CTNNA3: variants seen among roughly 807,000 people sequenced by gnomAD.
CTNNA3 encodes catenin alpha-3.
Under a neutral mutation model 95.7 loss-of-function variants are expected in CTNNA3, and 76 were observed. That is an observed-to-expected ratio of 0.79 (90% CI 0.66 to 0.96). The LOEUF (loss-of-function observed/expected upper bound fraction) is 0.96. Among genes scored for constraint, CTNNA3 ranks in the 40% least tolerant of loss-of-function variants. The pLI, the probability that CTNNA3 is intolerant of heterozygous loss-of-function variation, is 0.00. For missense variants in CTNNA3, 1,191 were observed against 1,089.8 expected (o/e 1.09, Z -1.31); for synonymous variants, 431 against 374.4 (o/e 1.15, Z -1.74).
At chr10:67,352,354 A>C (rs1223807605) in intron 5 of CTNNA3, among the ~76,000 whole-genome samples, 9 of 151,982 alleles carry the variant, frequency 5.9e-5, no homozygotes, top group Non-Finnish European at 1.0e-4. Flanking sequence ...GAAAACACTG[A>C]GCAAGGCATA....
At chr10:67,386,420 C>T (rs1237632280) in intron 5 of CTNNA3, among the ~76,000 whole-genome samples, 1 of 152,134 alleles carries the variant, frequency 6.6e-6, no homozygotes, top group South Asian at 2.1e-4. Flanking sequence ...CTCCTTCTGC[C>T]CCTCTAACAT....
chr10:67,519,369 T>G (rs1376350904), intron 5 of CTNNA3, among the ~76,000 whole-genome samples: 1 of 152,178 alleles, frequency 6.6e-6, no homozygotes, highest in Non-Finnish European at 1.5e-5. Flanking sequence ...ATTTTCTGTT[T>G]GTTTTAAAAA....
chr10:67,018,141 CA>C lies in CTNNA3; in HGVS notation c.1047+162175del, dbSNP rs1852776859. On this transcript the variant is annotated intron_variant, in intron 7 of 17. Coordinates refer to ENST00000433211, the MANE Select transcript of CTNNA3 (RefSeq NM_013266.4). Reference sequence around the variant, plus strand: ...TGTTAATTCACTTTTCAAGTGTTTACAGTAGGGCCAAGACTTTGTATTTTGG... The same window carrying C: ...TGTTAATTCACTTTTCAAGTGTTTACGTAGGGCCAAGACTTTGTATTTTGG... Among the ~76,000 whole-genome samples the C allele has an allele frequency of 2.6e-5, 4 of 152,224 alleles. No individual in the cohort carries two copies. The South Asian group carries it at 8.3e-4, about 32-fold the overall frequency.
chr10:67,701,579 A>T (rs571800294), intron 1 of CTNNA3, among the ~76,000 whole-genome samples: 1 of 152,340 alleles, frequency 6.6e-6, no homozygotes, highest in Admixed American at 6.5e-5. Flanking sequence ...AAATGCTGAG[A>T]GATTTTGTCA....
At chr10:67,599,173 G>T (rs998414945) in intron 3 of CTNNA3, among the ~76,000 whole-genome samples, 1 of 152,108 alleles carries the variant, frequency 6.6e-6, no homozygotes, top group Non-Finnish European at 1.5e-5. Flanking sequence ...TGTTAAAAAG[G>T]CTACACAAAC....
chr10:67,624,490 G>A lies in CTNNA3; in HGVS notation c.100-17441C>T, dbSNP rs72472093. 0.034 allele frequency among the ~76,000 whole-genome samples: 5,192 copies of A among 152,184 alleles called. 619 individuals are homozygous for A. In the East Asian group the frequency reaches 0.44, roughly 13 times the overall value. ...AAAGGGTATATAAGCTTCTGTACCC[G>A]TTGGGTTATGAGGTAATCATTCTCC... is the stretch of plus-strand genomic sequence containing the variant. On this transcript the variant is annotated intron_variant, in intron 2 of 17. Coordinates refer to ENST00000433211, the MANE Select transcript of CTNNA3 (RefSeq NM_013266.4).
At chr10:66,555,628 T>A (rs1842366824) in intron 10 of CTNNA3, among the ~76,000 whole-genome samples, 1 of 152,146 alleles carries the variant, frequency 6.6e-6, no homozygotes, top group African/African-American at 2.4e-5. Context: ...ATTTTGATGC[T>A]TTTAAGGTGA....
intron 1 of CTNNA3, chr10:67,750,285 T>A: frequency 3.3e-6 from 5 of 1,519,970 alleles, no homozygotes; most frequent in Non-Finnish European, 4.6e-6. Flanking sequence ...GCACCAACCA[T>A]GGCCATCTTT....
intron 9 of CTNNA3, among the ~76,000 whole-genome samples, chr10:66,668,595 T>G (rs1846545776): frequency 6.6e-6 from 1 of 152,002 alleles, no homozygotes; most frequent in African/African-American, 2.4e-5. Context: ...GGCGGATCAC[T>G]TGAGGCCAGA....
intron 5 of CTNNA3, among the ~76,000 whole-genome samples, chr10:67,299,937 C>T (rs1411177430): frequency 1.3e-5 from 2 of 152,174 alleles, no homozygotes; most frequent in Non-Finnish European, 2.9e-5. Flanking sequence ...TGGAAGGCTG[C>T]ACATGTATTT....
intron 7 of CTNNA3, among the ~76,000 whole-genome samples, chr10:67,137,037 C>T (rs1860336670): frequency 6.6e-6 from 1 of 152,086 alleles, no homozygotes; most frequent in Non-Finnish European, 1.5e-5. Flanking sequence ...CGTACTTGCT[C>T]CTCTGGGTAG....
intron 9 of CTNNA3, among the ~76,000 whole-genome samples, chr10:66,677,125 C>T (rs1448917120): frequency 6.6e-6 from 1 of 152,056 alleles, no homozygotes; most frequent in Non-Finnish European, 1.5e-5. Context: ...CATTGGTTTC[C>T]TGTTTGTAAA....
chr10:66,054,250 G>A (rs1010854754), intron 15 of CTNNA3, among the ~76,000 whole-genome samples: 1 of 152,146 alleles, frequency 6.6e-6, no homozygotes, highest in African/African-American at 2.4e-5. Context: ...ATCCAGCAGT[G>A]GGATTGATGG....
Position 66,323,143 on chromosome 10 carries a change from T to G in CTNNA3, c.1733-42522A>C, listed in dbSNP as rs1433833822. On this transcript the variant is annotated intron_variant, in intron 12 of 17. Transcript: ENST00000433211. ...CATTACGGGGTCCCTTTTAAAAAAT[T>G]TATTTTTAATGATACAGGAGGTAAA... Among the ~76,000 whole-genome samples, 6 of 152,026 alleles carry G rather than the reference T, an allele frequency of 3.9e-5. No homozygotes were observed. In the East Asian group the frequency reaches 1.2e-3, roughly 30 times the overall value.
intron 7 of CTNNA3, among the ~76,000 whole-genome samples, chr10:66,857,199 A>T (rs1843715957): frequency 6.6e-6 from 1 of 152,078 alleles, no homozygotes; most frequent in Admixed American, 6.6e-5. Context: ...TTTGTCAAAG[A>T]TCAAATGGTT....
chr10:66,140,416 C>T (rs1464200344), intron 13 of CTNNA3, among the ~76,000 whole-genome samples: 8 of 152,070 alleles, frequency 5.3e-5, no homozygotes, highest in Non-Finnish European at 8.8e-5. Flanking sequence ...AAACAATCCA[C>T]GAGCAAAGTA....
chr10:67,254,140 A>G (rs866377173), intron 5 of CTNNA3, among the ~76,000 whole-genome samples: 1 of 152,146 alleles, frequency 6.6e-6, no homozygotes, highest in African/African-American at 2.4e-5. Flanking sequence ...TACCTTTCAT[A>G]TGGAAAATAC....
Position 65,948,295 on chromosome 10 carries a change from A to AG in CTNNA3, c.2400+18316_2400+18317insC, listed in dbSNP as rs1554819632. On this transcript the variant is annotated intron_variant, in intron 17 of 17. Coordinates refer to ENST00000433211, the MANE Select transcript of CTNNA3 (RefSeq NM_013266.4). ...GACTCCATCTCAAAAAAAAAAAAAAAAAAAGAAAGAAAGAAATACCACGTA... is the reference window on the plus strand; with the variant it reads ...GACTCCATCTCAAAAAAAAAAAAAAAGAAAAGAAAGAAAGAAATACCACGTA... Among the ~76,000 whole-genome samples the AG allele has an allele frequency of 1.6e-3, 229 of 146,752 alleles. No individual in the cohort carries two copies. The East Asian group carries it at 0.031, about 20-fold the overall frequency.
chr10:66,672,373 C>T (rs1252190278), intron 9 of CTNNA3, among the ~76,000 whole-genome samples: 1 of 152,090 alleles, frequency 6.6e-6, no homozygotes, highest in Non-Finnish European at 1.5e-5. Context: ...CAAACACTAG[C>T]AACCCCAAGC....
Sources: gnomAD v4.1 joint callset for allele counts (sites outside exome capture counted in the v4.1 genomes callset) on GRCh38, gnomAD v4.1.1 for gene constraint, MANE v1.5 for transcripts, NCBI Gene and HGNC (gene_info 2026-07-23, HGNC 2026-07-21) for gene names.